Variants in PDK3 observed in about 807,000 individuals in gnomAD.
The protein encoded by PDK3 is pyruvate dehydrogenase kinase, isozyme 3.
In PDK3, 12 loss-of-function variants were observed where a neutral mutation model predicts 32.0. The observed-to-expected ratio is 0.37, with a 90% CI of 0.24 to 0.61. The LOEUF (loss-of-function observed/expected upper bound fraction) is 0.61, where lower values mean the gene tolerates loss of function less well. Ranked by LOEUF, PDK3 falls within the 20% of genes least tolerant of loss-of-function variation. PDK3 has a pLI of 0.65. For missense variants in PDK3, 188 were observed against 316.9 expected (o/e 0.59, Z 3.09); for synonymous variants, 122 against 116.3 (o/e 1.05, Z -0.31).
chrX:24,542,609 C>G (rs1464789398), exon 12 of PDK3, among the ~76,000 whole-genome samples: 1 of 112,553 alleles, frequency 8.9e-6, no homozygotes, highest in Non-Finnish European at 1.9e-5. Flanking sequence ...GAGAGGGTTT[C>G]TTTTGTGTGT....
At chrX:24,534,574 G>T (rs1013367768), downstream of PDK3, 1 of 113,698 alleles carries the variant, frequency 8.8e-6, no homozygotes, top group African/African-American at 3.2e-5. Context: ...AAAAACTTCT[G>T]GAGATGGATG....
At position 24,513,509 on chromosome X, in the gene PDK3, A is replaced by G. The variant is rs139557282; in HGVS notation, c.596-5424A>G. 1.0e-3 allele frequency: 149 copies of G among 143,277 alleles called. 4 individuals carry two copies. The East Asian group carries it at 0.023, about 22-fold the overall frequency. The allele number at this position is 143,277 out of a possible 1,213,427, so 11.8% of individuals were successfully genotyped here. The stretch of plus-strand genomic sequence containing the variant: ...TGCAAAATAGATCTCGGATTCAGGT[A>G]TGGCTCTATGAGCAAGTGAATATGC... On this transcript the variant is annotated intron_variant, in intron 5 of 10. Coordinates refer to ENST00000379162, the MANE Select transcript of PDK3 (RefSeq NM_005391.5).
intron 5 of PDK3, among the ~76,000 whole-genome samples, chrX:24,517,791 C>T (rs1224828362): frequency 8.9e-6 from 1 of 112,003 alleles, no homozygotes; most frequent in African/African-American, 3.2e-5. Context: ...AAAAAGCGGA[C>T]TGTTGCTCCT....
At chrX:24,539,314 C>G, downstream of PDK3, 4 of 428,355 alleles carry the variant, frequency 9.3e-6, 1 homozygote, top group Non-Finnish European at 1.6e-5. Context: ...CCTGGACTTT[C>G]CCAAAGAGTT....
At chrX:24,488,414 C>T (rs969075328) in intron 1 of PDK3, among the ~76,000 whole-genome samples, 3 of 112,317 alleles carry the variant, frequency 2.7e-5, no homozygotes, top group Non-Finnish European at 3.8e-5. Context: ...AGAGGCCAGG[C>T]GCAGTGGCTC....
intron 5 of PDK3, among the ~76,000 whole-genome samples, chrX:24,505,760 C>G (rs1438331737): frequency 8.9e-6 from 1 of 111,856 alleles, no homozygotes. Flanking sequence ...GACATTGTTC[C>G]AGTATCCTCC....
exon 12 of PDK3, among the ~76,000 whole-genome samples, chrX:24,543,124 GGATT>G (rs1922925082): frequency 8.9e-6 from 1 of 112,272 alleles, no homozygotes; most frequent in Admixed American, 9.4e-5. Context: ...GTATATCTCA[GGATT>G]GACTGTTGTC....
intron 3 of PDK3, among the ~76,000 whole-genome samples, chrX:24,499,440 ACT>A (rs1164753749): frequency 9.0e-6 from 1 of 110,900 alleles, no homozygotes; most frequent in African/African-American, 3.3e-5. Flanking sequence ...AGGAACACTA[ACT>A]CTAGCTGTGA....
intron 6 of PDK3, among the ~76,000 whole-genome samples, chrX:24,520,137 G>A (rs1020059597): frequency 1.8e-5 from 2 of 111,957 alleles, no homozygotes; most frequent in African/African-American, 6.5e-5. Context: ...AGGTTGCAGT[G>A]AGCCGAGATA....
chrX:24,545,757 T>G (rs1296139363), exon 12 of PDK3: 1 of 111,655 alleles, frequency 9.0e-6, no homozygotes, highest in East Asian at 2.8e-4. Context: ...TACTGTCCAG[T>G]GTCTCCAGCG....
chrX:24,501,229 T>A (rs1189352917), intron 3 of PDK3, among the ~76,000 whole-genome samples: 3 of 111,673 alleles, frequency 2.7e-5, no homozygotes, highest in African/African-American at 9.8e-5. Flanking sequence ...TATATTTATA[T>A]GCGTAAAATA....
intron 1 of PDK3, among the ~76,000 whole-genome samples, chrX:24,470,818 TC>T (rs1302417079): frequency 7.3e-5 from 8 of 109,285 alleles, no homozygotes; most frequent in African/African-American, 1.3e-4. Flanking sequence ...GTGACATTTG[TC>T]CCCCCCCTTC....
Position 24,503,609 on chromosome X carries a change from TG to T in PDK3, c.505+99del, listed in dbSNP as rs748641359. 8.1e-5 allele frequency: 50 copies of T among 614,215 alleles called. 1 individual carries two copies. The East Asian group carries it at 1.3e-3, about 16-fold the overall frequency. The allele number at this position is 614,215 out of a possible 1,213,427, so 50.6% of individuals were successfully genotyped here. Reference sequence around the variant, plus strand: ...TAATTTACTGACCTGCATTTTTGGTTGTAGAAATTTCATTTCTAGTTCGGTT... The same window carrying T: ...TAATTTACTGACCTGCATTTTTGGTTTAGAAATTTCATTTCTAGTTCGGTT... On this transcript the variant is annotated intron_variant, in intron 4 of 10. Transcript: ENST00000379162.
At chrX:24,476,358 C>T (rs1921113614) in intron 1 of PDK3, among the ~76,000 whole-genome samples, 1 of 111,794 alleles carries the variant, frequency 8.9e-6, no homozygotes, top group Non-Finnish European at 1.9e-5. Flanking sequence ...ATGTTGAATC[C>T]ATGTAAATGA....
At chrX:24,534,878 G>A (rs1032044215), downstream of PDK3, among the ~76,000 whole-genome samples, 3 of 112,354 alleles carry the variant, frequency 2.7e-5, no homozygotes, top group East Asian at 8.4e-4. Context: ...GATCACTTGA[G>A]CCCAGGACTT....
At position 24,465,597 on chromosome X, in the gene PDK3, G is replaced by A. The variant is rs772527562; in HGVS notation, c.106+36G>A. 3.0e-6 allele frequency: 3 copies of A among 1,012,374 alleles called. No individual in the cohort carries two copies. In the South Asian group the frequency reaches 6.0e-5, roughly 20 times the overall value. 83.4% of individuals were successfully genotyped at this position (1,012,374 alleles called of 1,213,427 possible). Reference sequence around the variant, plus strand: ...GGCCAAGGGTCCCCATGGGCCCGGGGCCGCCGCCATTCGGGCTGCCACCCC... The same window carrying A: ...GGCCAAGGGTCCCCATGGGCCCGGGACCGCCGCCATTCGGGCTGCCACCCC... On this transcript the variant is annotated intron_variant, in intron 1 of 10. Coordinates refer to ENST00000379162, the MANE Select transcript of PDK3 (RefSeq NM_005391.5).
intron 5 of PDK3, among the ~76,000 whole-genome samples, chrX:24,517,577 T>C (rs774717090): frequency 8.9e-6 from 1 of 112,601 alleles, no homozygotes; most frequent in South Asian, 3.6e-4. Context: ...CTATGCAAGT[T>C]ATGAAACAAG....
intron 2 of PDK3, among the ~76,000 whole-genome samples, chrX:24,496,823 C>T (rs1488704960): frequency 1.6e-4 from 13 of 82,869 alleles, no homozygotes; most frequent in Admixed American, 4.5e-4. Context: ...TCTCTGTTGC[C>T]GAGGCTGGAG....
chrX:24,489,322 T>G (rs1421694190), intron 1 of PDK3, among the ~76,000 whole-genome samples: 1 of 112,052 alleles, frequency 8.9e-6, no homozygotes, highest in East Asian at 2.8e-4. Context: ...TACAAAGAAT[T>G]TGTCCCTAAA....
Sources: gnomAD v4.1 joint callset for allele counts (sites outside exome capture counted in the v4.1 genomes callset) on GRCh38, gnomAD v4.1.1 for gene constraint, MANE v1.5 for transcripts, NCBI Gene and HGNC (gene_info 2026-07-23, HGNC 2026-07-21) for gene names.